ARHGAP11B: variants seen among roughly 807,000 people sequenced by gnomAD.
ARHGAP11B encodes Rho GTPase activating protein 11B.
Under a neutral mutation model 27.6 loss-of-function variants are expected in ARHGAP11B, and 14 were observed. The ratio of observed to expected loss-of-function variants is 0.51; its 90% CI spans 0.34 to 0.79. The LOEUF (loss-of-function observed/expected upper bound fraction) is 0.79. ARHGAP11B is among the 30% of genes least tolerant of loss of function. The pLI, the probability that ARHGAP11B is intolerant of heterozygous loss-of-function variation, is 0.02. For missense variants in ARHGAP11B, 245 were observed against 320.1 expected (o/e 0.77, Z 1.79); for synonymous variants, 82 against 114.1 (o/e 0.72, Z 1.80).
At chr15:30,632,061 C>T (rs2060249287) in intron 2 of ARHGAP11B, among the ~76,000 whole-genome samples, 2 of 146,000 alleles carry the variant, frequency 1.4e-5, no homozygotes, top group Non-Finnish European at 3.0e-5. Context: ...GCTAGGATTA[C>T]AGGCGTGAGC....
rs2060212919 is a variant in ARHGAP11B at position 30,626,961 on chromosome 15, G to A, written c.129+12G>A. ...CCACGGAAATAGGGGTAAGTTCTGT[G>A]AAAAGGGATTTAGGTTTAAAAGAAA... On this transcript the variant is annotated intron_variant, in intron 1 of 10. Transcript: ENST00000428041. 2 of 1,612,038 alleles carry A rather than the reference G, an allele frequency of 1.2e-6. No individual in the cohort carries two copies. The highest frequency in any genetic ancestry group is 1.7e-5 in the Admixed American group (1 of 59,504).
chr15:30,648,425 A>G (rs185739661), exon 11 of ARHGAP11B, among the ~76,000 whole-genome samples: 6 of 152,056 alleles, frequency 3.9e-5, no homozygotes, highest in African/African-American at 9.6e-5. Context: ...GGGGAGGGTG[A>G]GTGGAACAAG....
chr15:30,641,436 A>G (rs1241722392), intron 7 of ARHGAP11B: 1 of 151,486 alleles, frequency 6.6e-6, no homozygotes, highest in African/African-American at 2.4e-5. Flanking sequence ...CTCAGGTTCA[A>G]GCGATTTTCC....
chr15:30,639,936 C>G (rs1271121138), intron 7 of ARHGAP11B, among the ~76,000 whole-genome samples: 1 of 151,414 alleles, frequency 6.6e-6, no homozygotes, highest in Non-Finnish European at 1.5e-5. Flanking sequence ...TTATAAAACC[C>G]CCTGCCTTTT....
chr15:30,647,191 A>G lies in ARHGAP11B; in HGVS notation c.*325-477A>G, dbSNP rs573252163. 7.2e-5 allele frequency among the ~76,000 whole-genome samples: 11 copies of G among 151,828 alleles called. 1 individual carries two copies. In the South Asian group the frequency reaches 2.3e-3, roughly 32 times the overall value. ...ATTACGTTTTGGACAATCTTGGTCCATTGGTAAGCTTATGGGAATTTGTCA... is the reference window on the plus strand; with the variant it reads ...ATTACGTTTTGGACAATCTTGGTCCGTTGGTAAGCTTATGGGAATTTGTCA... On this transcript the variant is annotated intron_variant, in intron 9 of 10. Transcript: ENST00000428041.
chr15:30,635,577 A>C, exon 6 of ARHGAP11B: 1 of 1,613,418 alleles, frequency 6.2e-7, no homozygotes, highest in Non-Finnish European at 8.5e-7. Flanking sequence ...GGCTTTGAAG[A>C]AGGTGAATAT....
intron 7 of ARHGAP11B, among the ~76,000 whole-genome samples, chr15:30,639,513 T>C (rs533381517): frequency 1.3e-5 from 2 of 151,838 alleles, no homozygotes; most frequent in African/African-American, 4.8e-5. Context: ...ATTTTTTGTT[T>C]AGCTCTAAGT....
At chr15:30,640,500 T>C (rs1420464856) in intron 7 of ARHGAP11B, among the ~76,000 whole-genome samples, 1 of 145,512 alleles carries the variant, frequency 6.9e-6, no homozygotes, top group African/African-American at 2.5e-5. Flanking sequence ...AGTTGGCTCA[T>C]ATTAACCTTA....
At chr15:30,644,240 T>A (rs1034266163) in intron 7 of ARHGAP11B, among the ~76,000 whole-genome samples, 27 of 152,200 alleles carry the variant, frequency 1.8e-4, no homozygotes, top group Non-Finnish European at 2.6e-4. Context: ...CCAACCAGAA[T>A]GTCAGCTCTC....
intron 2 of ARHGAP11B, among the ~76,000 whole-genome samples, chr15:30,633,099 G>C (rs1022993931): frequency 1.3e-5 from 2 of 150,462 alleles, no homozygotes; most frequent in African/African-American, 4.9e-5. Context: ...GCAAGGCAGA[G>C]GCTGTTAGTG....
At chr15:30,633,301 A>T (rs1030882590) in intron 2 of ARHGAP11B, among the ~76,000 whole-genome samples, 189 bp from the exon 3 acceptor site, 2 of 152,070 alleles carry the variant, frequency 1.3e-5, no homozygotes, top group South Asian at 4.1e-4. Flanking sequence ...ATAAGTAAAA[A>T]GATGGGCCTT....
At chr15:30,637,465 T>C (rs1316039726) in intron 6 of ARHGAP11B, among the ~76,000 whole-genome samples, 2 of 152,132 alleles carry the variant, frequency 1.3e-5, no homozygotes, top group African/African-American at 4.8e-5. Context: ...CCGGGTGCGA[T>C]GGCTTACGCC....
At chr15:30,647,221 T>G (rs2060355550) in intron 9 of ARHGAP11B, among the ~76,000 whole-genome samples, 1 of 151,602 alleles carries the variant, frequency 6.6e-6, no homozygotes, top group South Asian at 2.1e-4. Flanking sequence ...TTGTCAGCGT[T>G]TTTTTGTTTT....
At chr15:30,640,973 T>C (rs936545659) in intron 7 of ARHGAP11B, among the ~76,000 whole-genome samples, 1 of 151,850 alleles carries the variant, frequency 6.6e-6, no homozygotes, top group African/African-American at 2.4e-5. Flanking sequence ...ATGGGAGTTG[T>C]AGTTCTACCT....
At chr15:30,626,427 G>A (rs2060206864) in exon 1 of ARHGAP11B, 1 of 200,748 alleles carries the variant, frequency 5.0e-6, no homozygotes, top group Non-Finnish European at 1.0e-5. Context: ...GAGCGAACCA[G>A]ACGGACAGTA....
intron 6 of ARHGAP11B, among the ~76,000 whole-genome samples, chr15:30,636,607 C>T (rs2060281273): frequency 6.6e-6 from 1 of 152,024 alleles, no homozygotes; most frequent in African/African-American, 2.4e-5. Flanking sequence ...TATGATTTTC[C>T]TAGGGCTACT....
At chr15:30,648,402 TTC>T (rs1317092290) in exon 11 of ARHGAP11B, among the ~76,000 whole-genome samples, 4 of 151,986 alleles carry the variant, frequency 2.6e-5, no homozygotes, top group African/African-American at 9.7e-5. Context: ...CTTTTTCTCA[TTC>T]TCTGTTTCCT....
intron 2 of ARHGAP11B, among the ~76,000 whole-genome samples, chr15:30,632,972 G>C (rs1288581890): frequency 2.0e-5 from 3 of 151,138 alleles, no homozygotes; most frequent in South Asian, 4.2e-4. Context: ...CAGGGAGATA[G>C]CAGGAAAACT....
At chr15:30,646,725 T>C (rs1419035108) in intron 9 of ARHGAP11B, among the ~76,000 whole-genome samples, 1 of 150,576 alleles carries the variant, frequency 6.6e-6, no homozygotes, top group Non-Finnish European at 1.5e-5. Flanking sequence ...ATCCCAGCAC[T>C]TTGGGAGGCT....
Sources: allele counts gnomAD v4.1 joint callset (sites outside exome capture counted in the v4.1 genomes callset), GRCh38; gene constraint gnomAD v4.1.1; transcripts MANE v1.5; gene names NCBI Gene and HGNC (gene_info 2026-07-23, HGNC 2026-07-21).